SAMD3: variants seen among roughly 807,000 people sequenced by gnomAD.
SAMD3 encodes the protein sterile alpha motif domain containing 3, also known as sterile alpha motif domain-containing protein 3.
SAMD3 carries 63 observed loss-of-function variants against 58.5 expected under a neutral mutation model. The ratio of observed to expected loss-of-function variants is 1.08; its 90% confidence interval spans 0.88 to 1.33. The LOEUF is 1.33. SAMD3 is among the 40% of genes most tolerant of loss of function. SAMD3 has a pLI of 0.00. For synonymous variants in SAMD3, 220 were observed against 210.3 expected, an observed-to-expected ratio of 1.05 and a Z score of -0.40; for missense variants, 604 against 608.4, an observed-to-expected ratio of 0.99 and a Z score of 0.08.
At chr6:130,242,830 C>T (rs6931480) in intron 2 of SAMD3, among the ~76,000 whole-genome samples, 4,638 of 152,234 alleles carry the variant, frequency 0.03, 235 homozygotes, top group African/African-American at 0.11. Flanking sequence ...TTAGGAAGCA[C>T]AGTTAGCTCT....
intron 2 of SAMD3, among the ~76,000 whole-genome samples, chr6:130,295,476 T>C (rs1775540554): frequency 6.6e-6 from 1 of 152,206 alleles, no homozygotes; most frequent in African/African-American, 2.4e-5. Context: ...TCAGTAGCAT[T>C]TGGGAATACA....
intron 1 of SAMD3, among the ~76,000 whole-genome samples, chr6:130,350,885 C>G (rs560328973): frequency 6.6e-6 from 1 of 152,068 alleles, no homozygotes; most frequent in African/African-American, 2.4e-5. Flanking sequence ...GAGATATAGA[C>G]CAATGGAACA....
At chr6:130,220,222 G>C (rs1015141565) in intron 1 of SAMD3, among the ~76,000 whole-genome samples, 3 of 152,104 alleles carry the variant, frequency 2.0e-5, no homozygotes, top group African/African-American at 7.2e-5. Flanking sequence ...GGTTGGTCTC[G>C]AACTGCTGAG....
At chr6:130,172,677 ATG>A (rs1562394075) in intron 8 of SAMD3, among the ~76,000 whole-genome samples, 1 of 152,010 alleles carries the variant, frequency 6.6e-6, no homozygotes, top group Non-Finnish European at 1.5e-5. Flanking sequence ...TCTGACAATC[ATG>A]TGTTTTGGGT....
At chr6:130,351,676 C>G (rs1777671166) in intron 1 of SAMD3, among the ~76,000 whole-genome samples, 1 of 151,416 alleles carries the variant, frequency 6.6e-6, no homozygotes, top group African/African-American at 2.4e-5. Context: ...TGATCTAGAA[C>G]TAGAAATACC....
intron 2 of SAMD3, among the ~76,000 whole-genome samples, chr6:130,282,640 G>T (rs1775018833): frequency 6.6e-6 from 1 of 151,914 alleles, no homozygotes; most frequent in Non-Finnish European, 1.5e-5. Flanking sequence ...CAGAGAAAGA[G>T]TGTTCTAAGA....
At chr6:130,249,984 A>G (rs1773685524) in intron 2 of SAMD3, among the ~76,000 whole-genome samples, 1 of 152,114 alleles carries the variant, frequency 6.6e-6, no homozygotes, top group South Asian at 2.1e-4. Flanking sequence ...ACAGCATCCA[A>G]CCCTGATCAA....
chr6:130,335,575 T>G (rs535813171), intron 1 of SAMD3, among the ~76,000 whole-genome samples: 1 of 152,384 alleles, frequency 6.6e-6, no homozygotes, highest in South Asian at 2.1e-4. Context: ...AGTAGATGAC[T>G]ATGCTTCAGC....
At chr6:130,345,099 G>T (rs1251798727) in intron 1 of SAMD3, among the ~76,000 whole-genome samples, 1 of 152,186 alleles carries the variant, frequency 6.6e-6, no homozygotes, top group Non-Finnish European at 1.5e-5. Flanking sequence ...TAAGTAAGTG[G>T]CTCAATACTT....
At chr6:130,341,528 T>C (rs1777272787) in intron 1 of SAMD3, among the ~76,000 whole-genome samples, 1 of 152,202 alleles carries the variant, frequency 6.6e-6, no homozygotes, top group Non-Finnish European at 1.5e-5. Context: ...ACTTCAATAA[T>C]ATTTAAATTA....
chr6:130,202,019 C>T (rs774701321), intron 5 of SAMD3, among the ~76,000 whole-genome samples: 12 of 152,212 alleles, frequency 7.9e-5, no homozygotes, highest in Non-Finnish European at 1.6e-4. Context: ...TCCCCAACCC[C>T]ATGTCTACAT....
chr6:130,195,480 G>C (rs574553753), intron 5 of SAMD3, among the ~76,000 whole-genome samples: 2 of 152,204 alleles, frequency 1.3e-5, no homozygotes, highest in East Asian at 3.9e-4. Flanking sequence ...CAGGATCTGC[G>C]CCTTATCAAC....
chr6:130,302,233 A>G (rs1033692632), intron 2 of SAMD3, among the ~76,000 whole-genome samples: 2 of 152,204 alleles, frequency 1.3e-5, no homozygotes, highest in African/African-American at 4.8e-5. Flanking sequence ...TCTATATGGA[A>G]CTTAAACAAA....
chr6:130,279,608 C>G (rs1389662069), intron 2 of SAMD3, among the ~76,000 whole-genome samples: 1 of 151,700 alleles, frequency 6.6e-6, no homozygotes, highest in African/African-American at 2.4e-5. Flanking sequence ...CCTCAGCCTC[C>G]CAAAAAGCTG....
At chr6:130,260,133 G>A (rs1438630519) in intron 2 of SAMD3, among the ~76,000 whole-genome samples, 2 of 152,184 alleles carry the variant, frequency 1.3e-5, no homozygotes, top group African/African-American at 4.8e-5. Context: ...TGAGAGAATA[G>A]AGACAGACCC....
chr6:130,287,943 CAA>C (rs3029967), intron 2 of SAMD3, among the ~76,000 whole-genome samples: 34,421 of 106,654 alleles, frequency 0.32, 4,290 homozygotes, highest in East Asian at 0.5. Context: ...GACTCCGTCT[CAA>C]AAAAAAAAAA....
At chr6:130,196,431 T>C (rs866494409) in intron 5 of SAMD3, among the ~76,000 whole-genome samples, 6 of 152,178 alleles carry the variant, frequency 3.9e-5, no homozygotes, top group South Asian at 2.1e-4. Context: ...ACTGTATCTC[T>C]CTGATCCACC....
chr6:130,211,150 T>A (rs1305294360), intron 4 of SAMD3, among the ~76,000 whole-genome samples: 2 of 152,036 alleles, frequency 1.3e-5, no homozygotes, highest in Admixed American at 6.6e-5. Context: ...TATGATCTAT[T>A]CTCTCTGAAG....
downstream of SAMD3, chr6:130,143,136 C>CT (rs752111998): frequency 1.1e-4 from 16 of 152,178 alleles, no homozygotes; most frequent in Non-Finnish European, 2.2e-4. Context: ...AGAAAGATAT[C>CT]TAGCAGGCTG....
Sources: allele counts gnomAD v4.1 joint callset (sites outside exome capture counted in the v4.1 genomes callset), GRCh38; gene constraint gnomAD v4.1.1; transcripts MANE v1.5; gene names NCBI Gene and HGNC (gene_info 2026-07-23, HGNC 2026-07-21).